Variants in OTOA observed in about 807,000 individuals in gnomAD.
OTOA encodes cancer/testis antigen 108.
A neutral mutation model predicts 110.8 loss-of-function variants in OTOA; 70 were observed. The ratio of observed to expected loss-of-function variants is 0.63; its 90% CI spans 0.52 to 0.77. The LOEUF (loss-of-function observed/expected upper bound fraction) is 0.77. Ranked by LOEUF, OTOA falls within the 30% of genes least tolerant of loss-of-function variation. OTOA has a pLI of 0.00. For synonymous variants in OTOA, 373 were observed against 431.5 expected (o/e 0.86, Z 1.68); for missense variants, 917 against 1,075.8 (o/e 0.85, Z 2.06).
intron 21 of OTOA, among the ~76,000 whole-genome samples, chr16:21,734,035 G>C (rs1000996159): frequency 2.0e-5 from 3 of 151,758 alleles, no homozygotes; most frequent in African/African-American, 7.3e-5. Context: ...CTTGACCTCA[G>C]GTGATCTGCC....
At chr16:21,735,890 C>G (rs462864) in intron 21 of OTOA, among the ~76,000 whole-genome samples, 88 of 151,974 alleles carry the variant, frequency 5.8e-4, no homozygotes, top group African/African-American at 2.0e-3. Context: ...CACCACACCT[C>G]GCCTAACCTA....
intron 13 of OTOA, among the ~76,000 whole-genome samples, chr16:21,714,136 A>G (rs956306157): frequency 1.3e-5 from 2 of 152,200 alleles, no homozygotes; most frequent in African/African-American, 4.8e-5. Flanking sequence ...CCTTGATTAT[A>G]TGGAAAACTA....
chr16:21,698,291 T>C (rs1897984955), intron 10 of OTOA, among the ~76,000 whole-genome samples: 1 of 152,224 alleles, frequency 6.6e-6, no homozygotes, highest in South Asian at 2.1e-4. Flanking sequence ...CTTCTATTTA[T>C]AGCTACTTCT....
At chr16:21,671,114 C>T (rs753428212) in intron 1 of OTOA, among the ~76,000 whole-genome samples, 1 of 152,126 alleles carries the variant, frequency 6.6e-6, no homozygotes, top group East Asian at 1.9e-4. Context: ...TGTTTGAAAA[C>T]AGCAATCTGG....
At chr16:21,681,911 C>T in intron 6 of OTOA, 86 bp downstream of exon 6, 1 of 1,253,970 alleles carries the variant, frequency 8.0e-7, no homozygotes, top group Non-Finnish European at 1.2e-6. Context: ...GAGAAGTGGG[C>T]TGGATGTAGA....
At chr16:21,702,925 C>T (rs1449665573) in intron 11 of OTOA, among the ~76,000 whole-genome samples, 4 of 152,148 alleles carry the variant, frequency 2.6e-5, no homozygotes, top group African/African-American at 7.2e-5. Context: ...CCGCCCGCCT[C>T]GGCCTCCCAA....
chr16:21,668,208 A>G (rs538695330), intron 1 of OTOA, among the ~76,000 whole-genome samples: 1 of 152,206 alleles, frequency 6.6e-6, no homozygotes, highest in East Asian at 1.9e-4. Flanking sequence ...TCTGGAGCTC[A>G]AGAGATCCTC....
chr16:21,683,306 G>C (rs984479674), intron 6 of OTOA, among the ~76,000 whole-genome samples: 1 of 152,162 alleles, frequency 6.6e-6, no homozygotes, highest in African/African-American at 2.4e-5. Flanking sequence ...CTGAATCCTC[G>C]TAATAACTCT....
At chr16:21,731,632 C>G (rs1343389387) in intron 21 of OTOA, among the ~76,000 whole-genome samples, 1 of 152,198 alleles carries the variant, frequency 6.6e-6, no homozygotes, top group Non-Finnish European at 1.5e-5. Context: ...GTCACTTCTG[C>G]CACACTCCAA....
intron 12 of OTOA, among the ~76,000 whole-genome samples, chr16:21,708,626 G>T (rs1377083657): frequency 6.6e-6 from 1 of 152,184 alleles, no homozygotes; most frequent in African/African-American, 2.4e-5. Context: ...TGTGGAAACT[G>T]ATTTCTAGGT....
At chr16:21,732,584 A>G (rs11641051) in intron 21 of OTOA, among the ~76,000 whole-genome samples, 2,544 of 152,214 alleles carry the variant, frequency 0.017, 31 homozygotes, top group Non-Finnish European at 0.027. Flanking sequence ...GAACATCCAT[A>G]TATCTATCTA....
rs774569922 is a variant in OTOA at position 21,752,359 on chromosome 16, C to T, written c.2919-10C>T. 2.6e-5 allele frequency: 14 copies of T among 539,892 alleles called. 1 individual carries two copies. The highest frequency in any genetic ancestry group is 5.0e-5 in the Non-Finnish European group (14 of 278,696). 33.4% of individuals were successfully genotyped at this position (539,892 alleles called of 1,614,324 possible). On this transcript the variant is annotated splice_polypyrimidine_tract_variant and intron_variant, in intron 25 of 28. Coordinates refer to ENST00000646100, the MANE Select transcript of OTOA (RefSeq NM_144672.4). Reference sequence around the variant, plus strand: ...TCATATTATATCCCTCCCTCTTTAACCACTACCAGGGTGGTAGTGGCCAGA... The same window carrying T: ...TCATATTATATCCCTCCCTCTTTAATCACTACCAGGGTGGTAGTGGCCAGA...
intron 1 of OTOA, among the ~76,000 whole-genome samples, chr16:21,671,486 C>T (rs1966848950): frequency 6.7e-6 from 1 of 150,076 alleles, no homozygotes; most frequent in African/African-American, 2.5e-5. Flanking sequence ...ACTCAGGAGG[C>T]TGAGGCAGAA....
At chr16:21,678,791 A>G in intron 2 of OTOA, 124 bp from the exon 3 acceptor site, 3 of 1,306,118 alleles carry the variant, frequency 2.3e-6, no homozygotes, top group Non-Finnish European at 3.3e-6. Flanking sequence ...GGACAGTTAT[A>G]ATTAAAATTC....
At chr16:21,676,338 C>T (rs1412202069) in intron 1 of OTOA, among the ~76,000 whole-genome samples, 3 of 151,558 alleles carry the variant, frequency 2.0e-5, no homozygotes, top group Non-Finnish European at 2.9e-5. Flanking sequence ...TATGATACTG[C>T]TTTAAATATT....
intron 28 of OTOA, among the ~76,000 whole-genome samples, chr16:21,759,774 G>A (rs1293367612): frequency 6.6e-6 from 1 of 151,946 alleles, no homozygotes; most frequent in Non-Finnish European, 1.5e-5. Context: ...GGTGGCACAT[G>A]CCTTAGTCCC....
At chr16:21,677,951 A>G (rs532484175) in intron 1 of OTOA, among the ~76,000 whole-genome samples, 4 of 152,140 alleles carry the variant, frequency 2.6e-5, no homozygotes, top group Non-Finnish European at 5.9e-5. Context: ...CAGTGGCACA[A>G]TCTTGGCTCA....
chr16:21,730,590 C>T (rs1899083513), intron 20 of OTOA: 2 of 444,706 alleles, frequency 4.5e-6, no homozygotes, highest in African/African-American at 4.0e-5. Flanking sequence ...CCTCCAATAT[C>T]CTCCCCTACT....
rs1053177937 is a variant in OTOA at position 21,684,765 on chromosome 16, A to T, written c.268-465A>T. ...TATTATTATTATTATTATTATTATT[A>T]TTTTTTAGGTGGAGTCTCGCTCTGT... On this transcript the variant is annotated intron_variant, in intron 6 of 28. Transcript: ENST00000646100. Among the ~76,000 whole-genome samples, 297 of 33,824 alleles carry T rather than the reference A, an allele frequency of 8.8e-3. 3 individuals are homozygous for T. Among genetic ancestry groups the T allele is most frequent in the African/African-American group, 0.019 (261 of 13,450 alleles). 22.2% of individuals were successfully genotyped at this position (33,824 alleles called of 152,430 possible).
Sources: allele counts gnomAD v4.1 joint callset (sites outside exome capture counted in the v4.1 genomes callset), GRCh38; gene constraint gnomAD v4.1.1; transcripts MANE v1.5; gene names NCBI Gene and HGNC (gene_info 2026-07-23, HGNC 2026-07-21).